The following STXBP4 variants were observed in gnomAD, a reference collection of about 807,000 sequenced individuals.
STXBP4 encodes syntaxin-binding protein 4.
Under a neutral mutation model 76.1 loss-of-function variants are expected in STXBP4, and 55 were observed. The ratio of observed to expected loss-of-function variants is 0.72; its 90% CI spans 0.58 to 0.91. The LOEUF (loss-of-function observed/expected upper bound fraction) is 0.91, where lower values mean the gene tolerates loss of function less well. STXBP4 is among the 40% of genes least tolerant of loss of function. The pLI is 0.00. For synonymous variants in STXBP4, 201 were observed against 220.2 expected (o/e 0.91, Z 0.77); for missense variants, 618 against 636.9 (o/e 0.97, Z 0.32).
At chr17:55,058,029 CT>C (rs1341863695) in intron 12 of STXBP4, among the ~76,000 whole-genome samples, 3 of 152,110 alleles carry the variant, frequency 2.0e-5, no homozygotes, top group Non-Finnish European at 4.4e-5. Context: ...GTGCATGTGT[CT>C]TTATAGTAGA....
chr17:55,030,812 T>A (rs2078494262), intron 8 of STXBP4: 1 of 172,692 alleles, frequency 5.8e-6, no homozygotes, highest in African/African-American at 2.4e-5. Context: ...TAACCAAATA[T>A]AATTCATGTT....
intron 16 of STXBP4, among the ~76,000 whole-genome samples, chr17:55,097,418 C>T (rs1280185690): frequency 1.3e-5 from 2 of 152,212 alleles, no homozygotes; most frequent in Admixed American, 1.3e-4. Flanking sequence ...AATCCCAGCA[C>T]TTTGGGGGGC....
At chr17:55,152,241 G>C (rs2080224781) in intron 17 of STXBP4, among the ~76,000 whole-genome samples, 1 of 151,816 alleles carries the variant, frequency 6.6e-6, no homozygotes, top group Non-Finnish European at 1.5e-5. Flanking sequence ...CTGACACTGG[G>C]GCTATAAAGA....
chr17:55,186,939 C>A, the STXBP4 span, among the ~76,000 whole-genome samples: 1 of 152,078 alleles, frequency 6.6e-6, no homozygotes, highest in Non-Finnish European at 1.5e-5. Flanking sequence ...CCTTAAAAGA[C>A]CCAAAATAAA....
chr17:55,098,573 C>G (rs534622124), intron 16 of STXBP4, among the ~76,000 whole-genome samples: 1 of 152,220 alleles, frequency 6.6e-6, no homozygotes, highest in South Asian at 2.1e-4. Flanking sequence ...GTGTTCCAGA[C>G]AGAGGGAACA....
intron 11 of STXBP4, among the ~76,000 whole-genome samples, chr17:55,045,696 CGG>C (rs1444834687): frequency 6.6e-6 from 1 of 151,960 alleles, no homozygotes; most frequent in Non-Finnish European, 1.5e-5. Flanking sequence ...CCAGATAAGC[CGG>C]CAACCAGCTA....
intron 12 of STXBP4, among the ~76,000 whole-genome samples, chr17:55,070,118 A>G (rs1165227422): frequency 6.6e-6 from 1 of 152,196 alleles, no homozygotes; most frequent in Non-Finnish European, 1.5e-5. Context: ...CATAGTAGCC[A>G]AGAACATGAA....
At chr17:55,063,157 A>G (rs552640849) in intron 12 of STXBP4, among the ~76,000 whole-genome samples, 2 of 152,322 alleles carry the variant, frequency 1.3e-5, no homozygotes, top group East Asian at 1.9e-4. Flanking sequence ...GCAGACACCA[A>G]CCATACCTAG....
At position 55,121,099 on chromosome 17, in the gene STXBP4, A is replaced by G. The variant is rs538297486; in HGVS notation, c.1490-20211A>G. Among the ~76,000 whole-genome samples the G allele has an allele frequency of 5.3e-5, 8 of 152,256 alleles. No individual in the cohort carries two copies. In the South Asian group the frequency reaches 1.7e-3, roughly 32 times the overall value. On this transcript the variant is annotated intron_variant, in intron 16 of 17. Coordinates refer to ENST00000376352, the MANE Select transcript of STXBP4 (RefSeq NM_178509.6). The stretch of plus-strand genomic sequence containing the variant: ...TCAATTCGGAAAATAATTTTTCAGA[A>G]CCTAGTATGACTGAGGAAGATTCAG...
chr17:54,982,800 C>T (rs2077569222), intron 1 of STXBP4, among the ~76,000 whole-genome samples: 1 of 152,112 alleles, frequency 6.6e-6, no homozygotes, highest in African/African-American at 2.4e-5. Context: ...AGATTAAACC[C>T]ACTTCTGTTT....
chr17:55,046,561 T>C (rs2078791473), intron 11 of STXBP4, among the ~76,000 whole-genome samples: 1 of 151,918 alleles, frequency 6.6e-6, no homozygotes, highest in South Asian at 2.1e-4. Context: ...AATCCAAAGA[T>C]ATTTTATGTG....
intron 12 of STXBP4, among the ~76,000 whole-genome samples, chr17:55,059,288 G>T (rs2078968479): frequency 6.6e-6 from 1 of 151,948 alleles, no homozygotes; most frequent in Non-Finnish European, 1.5e-5. Context: ...GTGTAAAAAA[G>T]GATTTATAAT....
chr17:55,086,236 G>GT (rs753070740), intron 16 of STXBP4, among the ~76,000 whole-genome samples: 16 of 151,792 alleles, frequency 1.1e-4, no homozygotes, highest in Non-Finnish European at 2.1e-4. Context: ...ATGCAATCAG[G>GT]TTTTTTATAT....
At chr17:55,038,791 T>G (rs1393365497) in intron 10 of STXBP4, among the ~76,000 whole-genome samples, 2 of 151,884 alleles carry the variant, frequency 1.3e-5, no homozygotes, top group African/African-American at 2.4e-5. Flanking sequence ...CTTAAAATTA[T>G]AGAGAGAACA....
At chr17:55,134,295 G>C (rs1464912732) in intron 16 of STXBP4, among the ~76,000 whole-genome samples, 2 of 151,900 alleles carry the variant, frequency 1.3e-5, no homozygotes. Context: ...GTACTGAAAG[G>C]CTTTTTTTTT....
chr17:54,979,273 T>G (rs139038974), intron 1 of STXBP4, among the ~76,000 whole-genome samples: 4 of 152,304 alleles, frequency 2.6e-5, no homozygotes, highest in East Asian at 3.9e-4. Context: ...AATTTTCACT[T>G]TTAAGGGATA....
At position 55,066,009 on chromosome 17, in the gene STXBP4, T is replaced by C. The variant is rs868668596; in HGVS notation, c.1012-6891T>C. 2.0e-5 allele frequency among the ~76,000 whole-genome samples: 3 copies of C among 152,322 alleles called. No homozygotes were observed. In the South Asian group the frequency reaches 6.2e-4, roughly 32 times the overall value. ...AATGAGCATGGATTTTACTTTATCA[T>C]ACAAACTAAAGAAAATCTTTGTTTC... On this transcript the variant is annotated intron_variant, in intron 12 of 17. Transcript: ENST00000376352.
the STXBP4 span, among the ~76,000 whole-genome samples, chr17:55,191,716 C>T: frequency 6.6e-5 from 10 of 152,212 alleles, no homozygotes; most frequent in Admixed American, 4.6e-4. Context: ...AGGTGTTCTC[C>T]GATACCAACA....
chr17:55,010,978 A>G (rs548860326), intron 8 of STXBP4, among the ~76,000 whole-genome samples: 3 of 152,182 alleles, frequency 2.0e-5, no homozygotes, highest in Non-Finnish European at 2.9e-5. Flanking sequence ...TTTTTTCCCC[A>G]TACATATTCT....
Sources: allele counts gnomAD v4.1 joint callset (sites outside exome capture counted in the v4.1 genomes callset), GRCh38; gene constraint gnomAD v4.1.1; transcripts MANE v1.5; gene names NCBI Gene and HGNC (gene_info 2026-07-23, HGNC 2026-07-21).